ESRRG: variants seen among roughly 807,000 people sequenced by gnomAD.
ESRRG encodes the protein estrogen-related receptor gamma.
Under a neutral mutation model 44.0 loss-of-function variants are expected in ESRRG, and 13 were observed. That is an observed-to-expected ratio of 0.30 (90% confidence interval 0.19 to 0.47). ESRRG has a LOEUF of 0.47. ESRRG is among the 20% of genes least tolerant of loss of function. ESRRG has a pLI of 1.00. For synonymous variants in ESRRG, 215 were observed against 214.6 expected (o/e 1.00, Z -0.02); for missense variants, 395 against 580.6 (o/e 0.68, Z 3.29).
At chr1:217,124,673 C>T (rs759739333) in intron 1 of ESRRG, among the ~76,000 whole-genome samples, 1 of 152,066 alleles carries the variant, frequency 6.6e-6, no homozygotes, top group Non-Finnish European at 1.5e-5. Context: ...TTAGATATAG[C>T]CACTGCCTGA....
At chr1:216,809,868 G>T (rs557199629) in intron 2 of ESRRG, among the ~76,000 whole-genome samples, 1 of 152,242 alleles carries the variant, frequency 6.6e-6, no homozygotes, top group African/African-American at 2.4e-5. Context: ...TCAGGCACTT[G>T]GCTCGCCTCT....
At chr1:217,119,389 T>TA (rs1323880186) in intron 1 of ESRRG, among the ~76,000 whole-genome samples, 1 of 152,216 alleles carries the variant, frequency 6.6e-6, no homozygotes, top group African/African-American at 2.4e-5. Flanking sequence ...TCCCTTCAGG[T>TA]ACATGATGTG....
chr1:216,939,359 A>AC (rs2064780818), intron 2 of ESRRG, among the ~76,000 whole-genome samples: 1 of 149,248 alleles, frequency 6.7e-6, no homozygotes, highest in Admixed American at 6.6e-5. Flanking sequence ...AAAAAAAAAA[A>AC]AAAAAAAAAA....
chr1:216,727,343 T>G (rs1260701033), upstream of ESRRG, among the ~76,000 whole-genome samples: 1 of 152,070 alleles, frequency 6.6e-6, no homozygotes, highest in Non-Finnish European at 1.5e-5. Context: ...CCAAGACAAT[T>G]ACAAACTACT....
At chr1:216,650,581 A>C (rs2068698041) in intron 3 of ESRRG, among the ~76,000 whole-genome samples, 1 of 152,164 alleles carries the variant, frequency 6.6e-6, no homozygotes, top group South Asian at 2.1e-4. Context: ...AAGAACAAAG[A>C]GTGCTTTAAA....
intron 2 of ESRRG, among the ~76,000 whole-genome samples, chr1:216,893,764 T>A (rs553948100): frequency 6.6e-6 from 1 of 152,242 alleles, no homozygotes; most frequent in South Asian, 2.1e-4. Flanking sequence ...AAAAACAATG[T>A]TGGCAAGGAA....
intron 5 of ESRRG, among the ~76,000 whole-genome samples, chr1:216,533,875 C>T (rs1032143160): frequency 6.6e-6 from 1 of 151,980 alleles, no homozygotes. Flanking sequence ...GATCATTATG[C>T]AATGTAATAA....
intron 1 of ESRRG, among the ~76,000 whole-genome samples, chr1:216,989,490 G>C (rs2075365935): frequency 6.8e-6 from 1 of 147,482 alleles, no homozygotes; most frequent in African/African-American, 2.5e-5. Context: ...AATGTATCAA[G>C]TTTTCTCCAG....
At chr1:216,508,229 A>G (rs889838550) in intron 6 of ESRRG, among the ~76,000 whole-genome samples, 4 of 152,210 alleles carry the variant, frequency 2.6e-5, no homozygotes, top group African/African-American at 7.2e-5. Context: ...GGCTAAATAT[A>G]TAATAAAAAT....
chr1:216,667,335 A>C lies in ESRRG; in HGVS notation c.472+9741T>G, dbSNP rs186412559. 1.2e-3 allele frequency among the ~76,000 whole-genome samples: 176 copies of C among 152,326 alleles called. 2 individuals are homozygous for C. The highest frequency in any genetic ancestry group is 0.01 in the East Asian group (53 of 5,178). On this transcript the variant is annotated intron_variant, in intron 2 of 6. Coordinates refer to ENST00000408911, the MANE Select transcript of ESRRG (RefSeq NM_001438.4). ...TAGGCCATATCACACAGTAGAATCC[A>C]TGAAATATGGGCTTATGTAACAGGT...
intron 1 of ESRRG, among the ~76,000 whole-genome samples, chr1:216,698,106 C>T (rs1319530498): frequency 6.6e-6 from 1 of 152,076 alleles, no homozygotes. Flanking sequence ...ATTTATTGTT[C>T]TTATCCAATG....
chr1:217,054,779 T>C (rs558775095), intron 1 of ESRRG, among the ~76,000 whole-genome samples: 14 of 150,800 alleles, frequency 9.3e-5, no homozygotes, highest in African/African-American at 3.4e-4. Flanking sequence ...AAAACACAGA[T>C]GAGAAATCAA....
intron 3 of ESRRG, among the ~76,000 whole-genome samples, chr1:216,631,326 A>G (rs887075598): frequency 6.6e-5 from 10 of 152,340 alleles, no homozygotes; most frequent in African/African-American, 2.4e-4. Flanking sequence ...GTTAGTAGCA[A>G]GGAGAAAGCT....
At chr1:216,926,268 C>G (rs984718125) in intron 2 of ESRRG, among the ~76,000 whole-genome samples, 2 of 152,192 alleles carry the variant, frequency 1.3e-5, no homozygotes, top group African/African-American at 4.8e-5. Flanking sequence ...CTAAGGGACA[C>G]ACCACACTCT....
At chr1:216,947,124 C>T (rs2150032249) in intron 1 of ESRRG, among the ~76,000 whole-genome samples, 1 of 152,210 alleles carries the variant, frequency 6.6e-6, no homozygotes, top group South Asian at 2.1e-4. Context: ...CCAAGTCTTT[C>T]CCTCTTCTTG....
intron 3 of ESRRG, among the ~76,000 whole-genome samples, chr1:216,649,278 A>G (rs2068366812): frequency 6.6e-6 from 1 of 152,096 alleles, no homozygotes; most frequent in South Asian, 2.1e-4. Context: ...CAGCAAAAGG[A>G]TTACAAACGT....
chr1:216,696,804 C>A (rs1232140913), intron 1 of ESRRG, among the ~76,000 whole-genome samples: 1 of 152,018 alleles, frequency 6.6e-6, no homozygotes, highest in Non-Finnish European at 1.5e-5. Context: ...TTAATTAACT[C>A]ACTGTGCCTC....
At chr1:217,051,214 G>A (rs11805936) in intron 1 of ESRRG, among the ~76,000 whole-genome samples, 1 of 116,060 alleles carries the variant, frequency 8.6e-6, no homozygotes, top group African/African-American at 3.3e-5. Context: ...CGGGGGGGGG[G>A]GGTGCCAGGG....
chr1:216,511,538 T>G (rs2818963), intron 6 of ESRRG, among the ~76,000 whole-genome samples: 76,084 of 128,584 alleles, frequency 0.59, 20,431 homozygotes, highest in Non-Finnish European at 0.67. Flanking sequence ...TCCCAAAATA[T>G]ACATAAATTC....
Sources: allele counts gnomAD v4.1 joint callset (sites outside exome capture counted in the v4.1 genomes callset), GRCh38; gene constraint gnomAD v4.1.1; transcripts MANE v1.5; gene names NCBI Gene and HGNC (gene_info 2026-07-23, HGNC 2026-07-21).